The following NCOA1 variants were observed in gnomAD, a reference collection of about 807,000 sequenced individuals.
NCOA1 encodes nuclear receptor coactivator 1.
A neutral mutation model predicts 150.9 loss-of-function variants in NCOA1; 35 were observed. The observed-to-expected ratio is 0.23, with a 90% CI of 0.18 to 0.31. The LOEUF (loss-of-function observed/expected upper bound fraction) is 0.31, where lower values mean the gene tolerates loss of function less well. NCOA1 is among the 10% of genes least tolerant of loss of function. The pLI, the probability that NCOA1 is intolerant of heterozygous loss-of-function variation, is 1.00. For missense variants in NCOA1, 1,491 were observed against 1,749.3 expected (o/e 0.85, Z 2.63); for synonymous variants, 590 against 630.0 (o/e 0.94, Z 0.95).
chr2:24,747,872 C>T (rs2148672302), intron 19 of NCOA1, among the ~76,000 whole-genome samples: 1 of 152,116 alleles, frequency 6.6e-6, no homozygotes, highest in Non-Finnish European at 1.5e-5. Context: ...TTTGGGAGGC[C>T]AAGGCAAGTG....
chr2:24,498,726 G>A (rs1663329353), intron 1 of NCOA1, among the ~76,000 whole-genome samples: 1 of 152,164 alleles, frequency 6.6e-6, no homozygotes, highest in Non-Finnish European at 1.5e-5. Flanking sequence ...AACATTGGTG[G>A]ATTTTAATGG....
intron 7 of NCOA1, among the ~76,000 whole-genome samples, chr2:24,677,980 A>G (rs143501211): frequency 0.046 from 6,920 of 151,932 alleles, 246 homozygotes; most frequent in East Asian, 0.19. Flanking sequence ...TCAACCCATC[A>G]CCTAGGTATT....
At chr2:24,684,503 G>A (rs538442012) in intron 8 of NCOA1, among the ~76,000 whole-genome samples, 3 of 152,254 alleles carry the variant, frequency 2.0e-5, no homozygotes, top group African/African-American at 7.2e-5. Flanking sequence ...AAATTTGGAG[G>A]GAGTGTCATC....
At chr2:24,755,206 G>T (rs566319624) in intron 20 of NCOA1, among the ~76,000 whole-genome samples, 1 of 152,358 alleles carries the variant, frequency 6.6e-6, no homozygotes, top group Admixed American at 6.5e-5. Flanking sequence ...GAACCATTAA[G>T]TAGAATGATG....
At chr2:24,674,151 G>GTGTGTGTGTGTGTGTA (rs141963010) in intron 7 of NCOA1, among the ~76,000 whole-genome samples, 15 of 145,172 alleles carry the variant, frequency 1.0e-4, no homozygotes, top group Non-Finnish European at 1.6e-4. Context: ...GTGTGTGTGT[G>GTGTGTGTGTGTGTGTA]TATATATTTC....
chr2:24,572,790 A>G (rs748974144), intron 2 of NCOA1, among the ~76,000 whole-genome samples: 1 of 152,200 alleles, frequency 6.6e-6, no homozygotes, highest in African/African-American at 2.4e-5. Context: ...CACACAAAGT[A>G]TCTTTTATTT....
chr2:24,554,907 A>G (rs997942690), intron 1 of NCOA1, among the ~76,000 whole-genome samples: 12 of 152,126 alleles, frequency 7.9e-5, no homozygotes, highest in African/African-American at 2.9e-4. Context: ...TACCGTTTTG[A>G]TGAATGTTGT....
At chr2:24,657,905 G>C (rs1671014446) in intron 4 of NCOA1, among the ~76,000 whole-genome samples, 2 of 152,158 alleles carry the variant, frequency 1.3e-5, no homozygotes, top group Non-Finnish European at 2.9e-5. Context: ...CCAAGGATAG[G>C]ATTCTGAGTT....
intron 1 of NCOA1, among the ~76,000 whole-genome samples, chr2:24,546,413 A>C (rs886221983): frequency 6.6e-6 from 1 of 152,236 alleles, no homozygotes; most frequent in Non-Finnish European, 1.5e-5. Flanking sequence ...GTATAGAATC[A>C]ATCTGTAAGA....
At chr2:24,727,957 T>C (rs749169187) in intron 15 of NCOA1, among the ~76,000 whole-genome samples, 3 of 152,334 alleles carry the variant, frequency 2.0e-5, no homozygotes, top group Non-Finnish European at 2.9e-5. Flanking sequence ...AATCTGAATA[T>C]AGGCTAAATG....
chr2:24,673,297 T>C lies in NCOA1; in HGVS notation c.257-69T>C. ...TTTGAAATTTGGTGGATCTATGTCT[T>C]CGTAAACTTGACTTTATGGAAATAA... On this transcript the variant is annotated intron_variant, in intron 6 of 22. Transcript: ENST00000348332. The C allele has an allele frequency of 5.4e-6, 6 of 1,107,862 alleles. No homozygotes were observed. The South Asian group carries it at 1.0e-4, about 19-fold the overall frequency. 68.6% of individuals were successfully genotyped at this position (1,107,862 alleles called of 1,614,324 possible).
intron 2 of NCOA1, among the ~76,000 whole-genome samples, chr2:24,579,063 T>G (rs990564766): frequency 6.6e-6 from 1 of 152,212 alleles, no homozygotes; most frequent in Non-Finnish European, 1.5e-5. Context: ...TTTTTTTTAA[T>G]GAACAACAGA....
At chr2:24,681,788 C>G (rs554295110) in intron 7 of NCOA1, among the ~76,000 whole-genome samples, 1 of 151,380 alleles carries the variant, frequency 6.6e-6, no homozygotes, top group Admixed American at 6.6e-5. Flanking sequence ...GATCTCGGCT[C>G]ACTGCAAGCT....
chr2:24,761,031 A>G (rs1018290253), intron 21 of NCOA1, among the ~76,000 whole-genome samples: 1 of 152,112 alleles, frequency 6.6e-6, no homozygotes, highest in Non-Finnish European at 1.5e-5. Flanking sequence ...TGTTTTTAGT[A>G]GAGACGGGAT....
In NCOA1 at chr2:24,507,494, A is replaced by G. The variant is rs778688278; in HGVS notation, c.-396+15892A>G. Among the ~76,000 whole-genome samples, 7 of 139,928 alleles carry G rather than the reference A, an allele frequency of 5.0e-5. 1 individual carries two copies. In the East Asian group the frequency reaches 1.1e-3, roughly 21 times the overall value. The allele number at this position is 139,928 out of a possible 152,430, so 91.8% of individuals were successfully genotyped here. A position where few individuals can be genotyped will look rare whatever the true frequency, so the allele number is the denominator to read the frequency against. On this transcript the variant is annotated intron_variant, in intron 1 of 22. Coordinates refer to ENST00000348332, the MANE Select transcript of NCOA1 (RefSeq NM_003743.5). ...AATAGTACATACTTATGGGGTGCCT[A>G]TGATATTTTGATACATGCATACAAT...
At chr2:24,664,592 C>T (rs1210425638) in intron 5 of NCOA1, among the ~76,000 whole-genome samples, 1 of 151,998 alleles carries the variant, frequency 6.6e-6, no homozygotes, top group Non-Finnish European at 1.5e-5. Context: ...CCTGTAGTCC[C>T]AGCTACTTGG....
intron 11 of NCOA1, among the ~76,000 whole-genome samples, 158 bp from the exon 12 acceptor site, chr2:24,704,928 T>C (rs1028135280): frequency 6.6e-6 from 1 of 152,218 alleles, no homozygotes; most frequent in Non-Finnish European, 1.5e-5. Flanking sequence ...CCCCCTCAGA[T>C]ATCTGCTTTG....
intron 5 of NCOA1, 138 bp downstream of exon 5, chr2:24,658,904 C>A (rs1299680218): frequency 6.8e-6 from 5 of 738,676 alleles, no homozygotes; most frequent in Non-Finnish European, 1.1e-5. Context: ...GTCTTCCTTC[C>A]CCCAGGGTCT....
intron 1 of NCOA1, among the ~76,000 whole-genome samples, chr2:24,559,019 G>C (rs997146908): frequency 2.0e-5 from 3 of 152,052 alleles, no homozygotes; most frequent in African/African-American, 7.2e-5. Flanking sequence ...ATTCAACGTG[G>C]GGGTCCATGG....
Sources: gnomAD v4.1 joint callset for allele counts (sites outside exome capture counted in the v4.1 genomes callset) on GRCh38, gnomAD v4.1.1 for gene constraint, MANE v1.5 for transcripts, NCBI Gene and HGNC (gene_info 2026-07-23, HGNC 2026-07-21) for gene names.